Variants in RPS6KA5 observed in about 807,000 individuals in gnomAD.
The protein encoded by RPS6KA5 is ribosomal protein S6 kinase A5, also known as ribosomal protein S6 kinase alpha-5.
RPS6KA5 carries 27 observed loss-of-function variants against 85.5 expected under a neutral mutation model. That is an observed-to-expected ratio of 0.32 (90% CI 0.23 to 0.44). RPS6KA5 has a LOEUF of 0.44. Ranked by LOEUF, RPS6KA5 falls within the 20% of genes least tolerant of loss-of-function variation. The probability of loss-of-function intolerance (pLI) is 1.00; values close to 1 mark genes in which losing one functional copy is unlikely to be tolerated. For synonymous variants in RPS6KA5, 334 were observed against 348.2 expected, an observed-to-expected ratio of 0.96 and a Z score of 0.46; for missense variants, 811 against 980.9, an observed-to-expected ratio of 0.83 and a Z score of 2.31.
chr14:90,937,856 G>C (rs1012827612), intron 5 of RPS6KA5, among the ~76,000 whole-genome samples: 2 of 152,058 alleles, frequency 1.3e-5, no homozygotes, highest in Non-Finnish European at 2.9e-5. Flanking sequence ...ACAACATGCG[G>C]GAATTCAAGA....
chr14:90,943,384 GTCTTTGTTC>G (rs1450403861), intron 4 of RPS6KA5, among the ~76,000 whole-genome samples, 199 bp from the exon 5 acceptor site: 17 of 151,810 alleles, frequency 1.1e-4, no homozygotes, highest in Admixed American at 6.6e-4. Context: ...CTCCAACCAC[GTCTTTGTTC>G]TCCTTGTGCA....
intron 1 of RPS6KA5, among the ~76,000 whole-genome samples, chr14:91,020,192 T>G (rs556101835): frequency 7.2e-4 from 24 of 33,126 alleles, no homozygotes; most frequent in South Asian, 6.4e-3. Flanking sequence ...TTTATGTGGG[T>G]GTGTGTGTGT....
At chr14:90,960,317 C>T (rs1032220068) in intron 3 of RPS6KA5, among the ~76,000 whole-genome samples, 2 of 151,974 alleles carry the variant, frequency 1.3e-5, no homozygotes, top group African/African-American at 2.4e-5. Context: ...AGCCAGGCAG[C>T]GAAACAACAA....
At chr14:90,881,446 C>T (rs908626633) in intron 14 of RPS6KA5, among the ~76,000 whole-genome samples, 12 of 139,642 alleles carry the variant, frequency 8.6e-5, no homozygotes, top group Non-Finnish European at 1.6e-4. Flanking sequence ...AAGCAAGACT[C>T]TGTCTCAAAA....
chr14:91,059,447 T>G lies in RPS6KA5; in HGVS notation c.103+885A>C, dbSNP rs187267878. 1.8e-3 allele frequency among the ~76,000 whole-genome samples: 275 copies of G among 152,234 alleles called. 1 individual carries two copies. Among genetic ancestry groups the G allele is most frequent in the African/African-American group, 6.4e-3 (266 of 41,526 alleles). ...GAACGACTCATTAAAATGTACTATC[T>G]GTTCAGAGAAAAAAGTATTAATATA... On this transcript the variant is annotated intron_variant, in intron 1 of 16. Transcript: ENST00000614987.
In RPS6KA5 at chr14:90,854,443, T is replaced by G. The variant is rs1390635767; in HGVS notation, c.*17631A>C. 1 of 152,178 alleles carries G rather than the reference T, an allele frequency of 6.6e-6. No homozygotes were observed. The highest frequency in any genetic ancestry group is 1.9e-4 in the East Asian group (1 of 5,200). 9.4% of individuals were successfully genotyped at this position (152,178 alleles called of 1,614,324 possible). ...TTATTTTAGATTTCACAATGTACAC[T>G]TGTCTCAAGTAAGTCTATTTAACTA... On this transcript the variant is annotated 3_prime_UTR_variant, in exon 17 of 17. Coordinates refer to ENST00000614987, the MANE Select transcript of RPS6KA5 (RefSeq NM_004755.4).
chr14:90,906,960 T>C (rs2035539642), intron 7 of RPS6KA5, among the ~76,000 whole-genome samples: 1 of 152,210 alleles, frequency 6.6e-6, no homozygotes, highest in Non-Finnish European at 1.5e-5. Context: ...AGCTCAGAGA[T>C]GGAGTAAAAT....
chr14:90,880,770 T>G (rs1241504583), intron 14 of RPS6KA5, among the ~76,000 whole-genome samples: 1 of 152,156 alleles, frequency 6.6e-6, no homozygotes, highest in Non-Finnish European at 1.5e-5. Context: ...TACATCTTCC[T>G]GTTGAATTGG....
At chr14:90,892,442 A>C (rs1164750770) in intron 13 of RPS6KA5, among the ~76,000 whole-genome samples, 1 of 152,246 alleles carries the variant, frequency 6.6e-6, no homozygotes, top group African/African-American at 2.4e-5. Flanking sequence ...CAAAGCTCAA[A>C]GTTAGAGACA....
chr14:90,945,033 T>C (rs142426257), intron 4 of RPS6KA5, among the ~76,000 whole-genome samples: 233 of 151,866 alleles, frequency 1.5e-3, no homozygotes, highest in African/African-American at 5.5e-3. Flanking sequence ...GGGAGGATCA[T>C]CTGAGCTCAG....
At chr14:90,958,416 C>T (rs2038634335) in intron 3 of RPS6KA5, among the ~76,000 whole-genome samples, 1 of 152,174 alleles carries the variant, frequency 6.6e-6, no homozygotes, top group South Asian at 2.1e-4. Flanking sequence ...GAATAAGACT[C>T]CTACTTCTGG....
chr14:90,990,650 A>G (rs1286061), intron 2 of RPS6KA5, among the ~76,000 whole-genome samples: 23,068 of 152,168 alleles, frequency 0.15, 1,905 homozygotes, highest in East Asian at 0.31. Flanking sequence ...ACGCCCATCA[A>G]TGGTGGACTG....
chr14:90,887,528 A>G lies in RPS6KA5; in HGVS notation c.1836+2959T>C, dbSNP rs75190988. On this transcript the variant is annotated intron_variant, in intron 14 of 16. Coordinates refer to ENST00000614987, the MANE Select transcript of RPS6KA5 (RefSeq NM_004755.4). ...ACCACAACCACAATATCAGTATCACATCTAAAAAAAATTAGTAGTAATTCC... is the reference window on the plus strand; with the variant it reads ...ACCACAACCACAATATCAGTATCACGTCTAAAAAAAATTAGTAGTAATTCC... Among the ~76,000 whole-genome samples, 986 of 152,216 alleles carry G rather than the reference A, an allele frequency of 6.5e-3. 6 individuals carry two copies. Among genetic ancestry groups the G allele is most frequent in the Admixed American group, 0.015 (229 of 15,286 alleles).
intron 4 of RPS6KA5, among the ~76,000 whole-genome samples, chr14:90,944,901 G>A (rs1418248874): frequency 6.6e-6 from 1 of 151,428 alleles, no homozygotes; most frequent in Non-Finnish European, 1.5e-5. Context: ...AACAGAGCGA[G>A]ACCATATGTC....
At chr14:90,947,029 C>T (rs1179863367) in intron 4 of RPS6KA5, among the ~76,000 whole-genome samples, 1 of 152,172 alleles carries the variant, frequency 6.6e-6, no homozygotes, top group Non-Finnish European at 1.5e-5. Context: ...TCTTACTCTC[C>T]AACCTCATCA....
intron 3 of RPS6KA5, among the ~76,000 whole-genome samples, chr14:90,953,589 G>A (rs373773167): frequency 2.6e-5 from 4 of 152,150 alleles, no homozygotes; most frequent in Admixed American, 6.5e-5. Context: ...GCCTACAAAC[G>A]GACGTGCAAG....
At chr14:91,026,482 T>C (rs2041995339) in intron 1 of RPS6KA5, among the ~76,000 whole-genome samples, 1 of 152,152 alleles carries the variant, frequency 6.6e-6, no homozygotes, top group African/African-American at 2.4e-5. Flanking sequence ...CCTTCCTCTT[T>C]AGCCTCCCAA....
At chr14:91,037,555 T>C (rs950724707) in intron 1 of RPS6KA5, among the ~76,000 whole-genome samples, 16 of 152,240 alleles carry the variant, frequency 1.1e-4, no homozygotes, top group African/African-American at 3.9e-4. Flanking sequence ...CTTTGGACCT[T>C]CCTAAGAAGT....
At chr14:90,984,596 A>T (rs12891012) in intron 2 of RPS6KA5, among the ~76,000 whole-genome samples, 1 of 152,208 alleles carries the variant, frequency 6.6e-6, no homozygotes, top group Non-Finnish European at 1.5e-5. Context: ...CAGTGGCTTG[A>T]CGATAAGAAA....
Sources: allele counts gnomAD v4.1 joint callset (sites outside exome capture counted in the v4.1 genomes callset), GRCh38; gene constraint gnomAD v4.1.1; transcripts MANE v1.5; gene names NCBI Gene and HGNC (gene_info 2026-07-23, HGNC 2026-07-21).